DENND2A: variants seen among roughly 807,000 people sequenced by gnomAD.
DENND2A encodes DENN domain containing 2A.
Under a neutral mutation model 105.3 loss-of-function variants are expected in DENND2A, and 53 were observed. The ratio of observed to expected loss-of-function variants is 0.50; its 90% CI spans 0.40 to 0.63. The LOEUF (loss-of-function observed/expected upper bound fraction) is 0.63, where lower values mean the gene tolerates loss of function less well. Among genes scored for constraint, DENND2A ranks in the 30% least tolerant of loss-of-function variants. The pLI, the probability that DENND2A is intolerant of heterozygous loss-of-function variation, is 0.00. For missense variants in DENND2A, 1,138 were observed against 1,279.6 expected (o/e 0.89, Z 1.69); for synonymous variants, 522 against 508.4 (o/e 1.03, Z -0.36).
At chr7:140,578,079 G>A (rs545654403) in intron 5 of DENND2A, among the ~76,000 whole-genome samples, 10 of 152,134 alleles carry the variant, frequency 6.6e-5, no homozygotes, top group Non-Finnish European at 1.3e-4. Context: ...ACCCCTAATT[G>A]TATAGATCTC....
chr7:140,559,331 T>C lies in DENND2A; in HGVS notation c.1889+377A>G, dbSNP rs1797518842. Among the ~76,000 whole-genome samples, 2 of 152,178 alleles carry C rather than the reference T, an allele frequency of 1.3e-5. No individual in the cohort carries two copies. The highest frequency in any genetic ancestry group is 2.9e-5 in the Non-Finnish European group (2 of 68,046). On this transcript the variant is annotated intron_variant, in intron 10 of 19. Coordinates refer to ENST00000496613, the MANE Select transcript of DENND2A (RefSeq NM_015689.5). This position sits in a 1 kb window ranked among gnomAD's most constrained non-coding sequence, Gnocchi z 4.1. ...ATCTGATAATAAAAACACTGGTGTCTAATTACTCGGGATGAAGCAGAAATG... is the reference window on the plus strand; with the variant it reads ...ATCTGATAATAAAAACACTGGTGTCCAATTACTCGGGATGAAGCAGAAATG...
chr7:140,612,403 A>G (rs937389622), intron 1 of DENND2A, among the ~76,000 whole-genome samples: 20 of 152,206 alleles, frequency 1.3e-4, no homozygotes, highest in African/African-American at 4.1e-4. Flanking sequence ...TATAATTTCC[A>G]GTGCCCTTTA....
chr7:140,639,396 C>G (rs1801091708), intron 1 of DENND2A, among the ~76,000 whole-genome samples: 1 of 151,972 alleles, frequency 6.6e-6, no homozygotes, highest in Non-Finnish European at 1.5e-5. Context: ...GGAGGCCAGC[C>G]TCCCGCCAGC....
At chr7:140,578,456 A>G (rs1798398824) in intron 5 of DENND2A, among the ~76,000 whole-genome samples, 1 of 152,178 alleles carries the variant, frequency 6.6e-6, no homozygotes, top group African/African-American at 2.4e-5. Flanking sequence ...TCTCAACATC[A>G]TTCCTACTCT....
In DENND2A at chr7:140,573,862, A is replaced by C; in HGVS notation, c.1392T>G (p.Ile464Met). 1.2e-6 allele frequency: 2 copies of C among 1,614,048 alleles called. No homozygotes were observed. Among genetic ancestry groups the C allele is most frequent in the Non-Finnish European group, 1.7e-6 (2 of 1,179,996 alleles). The change falls in exon 6 of 20, where the codon ATT (isoleucine) becomes ATG (methionine). Residue 464 changes from isoleucine (I) to methionine (M), a missense_variant. Around this residue, in one of 2 missense-constraint regions of DENND2A, gnomAD observed 627 missense variants for 779.8 expected, o/e 0.80. Coordinates refer to ENST00000496613, the MANE Select transcript of DENND2A (RefSeq NM_015689.5). ...PPSTPSSPDD[I>M]FFNLGDPQNG... ...TCTGTGGGTCTCCAAGGTTAAAGAA[A>C]ATGTCATCAGGGCTGCTGGGAGTGG...
chr7:140,558,678 GA>G (rs1797488625), intron 10 of DENND2A, among the ~76,000 whole-genome samples: 1 of 128,596 alleles, frequency 7.8e-6, no homozygotes. Flanking sequence ...CCTGGGGGAA[GA>G]AGCGAGACTC....
chr7:140,587,585 A>C, intron 4 of DENND2A, 68 bp downstream of exon 4: 1 of 1,598,606 alleles, frequency 6.3e-7, no homozygotes, highest in Non-Finnish European at 8.5e-7. Context: ...TCCAGCAGCC[A>C]GCCCCATTCT....
intron 19 of DENND2A, among the ~76,000 whole-genome samples, chr7:140,518,992 T>C (rs1795756801): frequency 6.6e-6 from 1 of 152,146 alleles, no homozygotes. Flanking sequence ...TCTGTGGTAA[T>C]AAAGGAAGCA....
intron 14 of DENND2A, among the ~76,000 whole-genome samples, chr7:140,536,948 C>T (rs1269990410): frequency 6.6e-6 from 1 of 152,238 alleles, no homozygotes; most frequent in African/African-American, 2.4e-5. Context: ...CAGGCGTGAG[C>T]CACTGCACCT....
At chr7:140,568,314 CTATT>C (rs1797958245) in intron 8 of DENND2A, among the ~76,000 whole-genome samples, 1 of 152,198 alleles carries the variant, frequency 6.6e-6, no homozygotes, top group African/African-American at 2.4e-5. Context: ...TTGGCCTAGA[CTATT>C]TAATTTTAGA....
chr7:140,616,811 T>C (rs532958266), intron 1 of DENND2A, among the ~76,000 whole-genome samples: 1 of 152,288 alleles, frequency 6.6e-6, no homozygotes, highest in South Asian at 2.1e-4. Context: ...GTCACTTGCA[T>C]TGTCAGTCAG....
At chr7:140,630,481 G>T (rs269264) in intron 1 of DENND2A, among the ~76,000 whole-genome samples, 109,886 of 152,032 alleles carry the variant, frequency 0.72, 41,483 homozygotes, top group East Asian at 0.93. Context: ...ATAGGAGGAA[G>T]CAGTGAAGAA....
At position 140,637,728 on chromosome 7, in the gene DENND2A, G is replaced by A. The variant is rs150528359; in HGVS notation, c.-248+2776C>T. 9.7e-3 allele frequency among the ~76,000 whole-genome samples: 1,474 copies of A among 152,260 alleles called. 21 individuals carry two copies. The highest frequency in any genetic ancestry group is 0.033 in the African/African-American group (1,374 of 41,550). ...CCCTGCCTGCTTCCCCGGGGGTCAG[G>A]ATTCCTGGATGCTGGCCCTTCCAAC... On this transcript the variant is annotated intron_variant, in intron 1 of 19. Coordinates refer to ENST00000496613, the MANE Select transcript of DENND2A (RefSeq NM_015689.5).
rs60480853 is a variant in DENND2A at position 140,538,520 on chromosome 7, T to A, written c.2327+6098A>T. 1.8e-3 allele frequency among the ~76,000 whole-genome samples: 267 copies of A among 152,310 alleles called. 2 individuals carry two copies. Among genetic ancestry groups the A allele is most frequent in the African/African-American group, 6.1e-3 (255 of 41,580 alleles). ...TTCTTTTTTCTTTTTTTAATTTTTT[T>A]AATTGAGATAGAGTCTCACTCTGTT... On this transcript the variant is annotated intron_variant, in intron 14 of 19. Transcript: ENST00000496613.
intron 1 of DENND2A, among the ~76,000 whole-genome samples, chr7:140,626,279 C>T (rs2109927): frequency 0.43 from 65,477 of 152,122 alleles, 14,380 homozygotes; most frequent in African/African-American, 0.51. Context: ...GCTGTGACAC[C>T]GAGGCCCTGC....
chr7:140,534,945 C>T (rs943713596), intron 14 of DENND2A, among the ~76,000 whole-genome samples: 1 of 152,104 alleles, frequency 6.6e-6, no homozygotes, highest in African/African-American at 2.4e-5. Context: ...GGATGTTTTG[C>T]TGTTGGGTGG....
At chr7:140,639,695 C>A (rs1473151905) in intron 1 of DENND2A, among the ~76,000 whole-genome samples, 1 of 152,202 alleles carries the variant, frequency 6.6e-6, no homozygotes, top group Non-Finnish European at 1.5e-5. Context: ...TCATTTGGAA[C>A]CTTGGGGAAG....
chr7:140,521,437 C>T (rs1016371846), intron 18 of DENND2A, among the ~76,000 whole-genome samples: 2 of 152,096 alleles, frequency 1.3e-5, no homozygotes, highest in African/African-American at 4.8e-5. Context: ...TCACACCGAT[C>T]TAATTTTTTA....
intron 6 of DENND2A, 131 bp from the exon 7 acceptor site, chr7:140,569,869 G>A: frequency 3.0e-6 from 2 of 676,138 alleles, no homozygotes; most frequent in Non-Finnish European, 2.6e-6. Context: ...ACTTCCCATG[G>A]GCTCATGGGT....
Sources: allele counts gnomAD v4.1 joint callset (sites outside exome capture counted in the v4.1 genomes callset), GRCh38; gene constraint gnomAD v4.1.1; regional missense constraint gnomAD v4.1.1; non-coding constraint Gnocchi (gnomAD v3.1); transcripts MANE v1.5; gene names NCBI Gene and HGNC (gene_info 2026-07-23, HGNC 2026-07-21).